The following LTF variants were observed in gnomAD, a reference collection of about 807,000 sequenced individuals.
LTF encodes the protein lactotransferrin, also known as epididymis luminal protein 110.
In LTF, 91 loss-of-function variants were observed where a neutral mutation model predicts 87.2. The observed-to-expected ratio is 1.04, with a 90% CI of 0.88 to 1.24. The LOEUF (loss-of-function observed/expected upper bound fraction) is 1.24, where lower values mean the gene tolerates loss of function less well. Ranked by LOEUF, LTF falls within the 50% of genes most tolerant of loss-of-function variation. LTF has a pLI of 0.00. For missense variants in LTF, 901 were observed against 904.3 expected (o/e 1.00, Z 0.05); for synonymous variants, 378 against 356.1 (o/e 1.06, Z -0.69).
At chr3:46,448,397 A>T (rs1702708650) in intron 9 of LTF, among the ~76,000 whole-genome samples, 1 of 152,162 alleles carries the variant, frequency 6.6e-6, no homozygotes, top group African/African-American at 2.4e-5. Context: ...GCTTTCCAAG[A>T]GTAAATATTC....
intron 2 of LTF, 80 bp from the exon 3 acceptor site, chr3:46,456,478 T>A: frequency 8.8e-7 from 1 of 1,133,802 alleles, no homozygotes; most frequent in Non-Finnish European, 1.3e-6. Context: ...CCTCAAAAAG[T>A]CTCCATGGCT....
chr3:46,444,140 C>A (rs34409943), intron 12 of LTF, among the ~76,000 whole-genome samples: 13 of 152,172 alleles, frequency 8.5e-5, no homozygotes, highest in Admixed American at 8.5e-4. Flanking sequence ...TTCTCCTTCT[C>A]TTTCTTCATC....
chr3:46,457,944 AT>A (rs11410006), intron 2 of LTF, among the ~76,000 whole-genome samples: 12,704 of 147,008 alleles, frequency 0.086, 1,596 homozygotes, highest in African/African-American at 0.28. Flanking sequence ...TGCCTGGCTA[AT>A]TTTTTTTTTT....
chr3:46,446,524 T>G, intron 10 of LTF, 31 bp from the exon 11 acceptor site: 1 of 1,598,894 alleles, frequency 6.3e-7, no homozygotes, highest in Non-Finnish European at 8.6e-7. Flanking sequence ...CAGACATCAT[T>G]ATCCATTCAG....
chr3:46,482,546 AAGGGAAGGG>A (rs1703448576), intron 1 of LTF, among the ~76,000 whole-genome samples: 1 of 101,546 alleles, frequency 9.8e-6, no homozygotes. Flanking sequence ...AAGGGAAGGG[AAGGGAAGGG>A]AAGGGAAGGG....
chr3:46,448,082 G>A (rs182841894), intron 9 of LTF, among the ~76,000 whole-genome samples: 11 of 152,186 alleles, frequency 7.2e-5, no homozygotes, highest in Admixed American at 3.3e-4. Flanking sequence ...AAATGTTTTC[G>A]TCCGAGTGCT....
intron 1 of LTF, among the ~76,000 whole-genome samples, chr3:46,472,049 G>A (rs1219787914): frequency 6.6e-6 from 1 of 152,060 alleles, no homozygotes; most frequent in Non-Finnish European, 1.5e-5. Flanking sequence ...CTCTTTCTGG[G>A]CATAAGTCTT....
chr3:46,441,576 T>C, intron 13 of LTF, 93 bp from the exon 14 acceptor site: 1 of 891,582 alleles, frequency 1.1e-6, no homozygotes, highest in Non-Finnish European at 1.8e-6. Context: ...AAAACTGAAA[T>C]ATGGAAGTAA....
Position 46,459,623 on chromosome 3 carries a change from C to T in LTF, c.207+33G>A, listed in dbSNP as rs375355633. 13 of 1,386,096 alleles carry T rather than the reference C, an allele frequency of 9.4e-6. No individual in the cohort carries two copies. In the African/African-American group the frequency reaches 1.8e-4, roughly 19 times the overall value. The allele number at this position is 1,386,096 out of a possible 1,614,324, so 85.9% of individuals were successfully genotyped here. A position where few individuals can be genotyped will look rare whatever the true frequency, so the allele number is the denominator to read the frequency against. ...CCATTTCTCTCTCCCTTCCATTCAG[C>T]TTGGTCCCAACCAACACCCGGCATT... is the stretch of plus-strand genomic sequence containing the variant. On this transcript the variant is annotated intron_variant, in intron 2 of 16. Coordinates refer to ENST00000231751, the MANE Select transcript of LTF (RefSeq NM_002343.6).
intron 16 of LTF, among the ~76,000 whole-genome samples, chr3:46,437,286 A>G (rs1255622541): frequency 6.7e-6 from 1 of 148,696 alleles, no homozygotes; most frequent in African/African-American, 2.5e-5. Flanking sequence ...TGTTTTCTCT[A>G]TAGTTGGCAT....
chr3:46,455,830 C>T lies in LTF; in HGVS notation c.465G>A (p.Leu155=). 3.1e-6 allele frequency: 5 copies of T among 1,595,268 alleles called. No homozygotes were observed. Among genetic ancestry groups the T allele is most frequent in the Middle Eastern group, 1.7e-4 (1 of 5,974 alleles). The change falls in exon 4 of 17, where the codon TTG becomes TTA. Residue 155 remains leucine, a synonymous_variant. Transcript: ENST00000231751. The part of the protein sequence containing the change: ...NVPIGTLRPF[L]NWTGPPEPIE... ...TGGGCTCAGGTGGACCCGTCCAATT[C>T]AAGAATGGACGAAGTGTCCCTATAG...
At chr3:46,464,959 G>T, upstream of LTF, 2 of 1,293,872 alleles carry the variant, frequency 1.5e-6, no homozygotes, top group Non-Finnish European at 2.2e-6. Flanking sequence ...CCGCCCTGTT[G>T]CCCAATAGAC....
chr3:46,474,966 G>A (rs1703340517), intron 1 of LTF, among the ~76,000 whole-genome samples: 1 of 152,092 alleles, frequency 6.6e-6, no homozygotes, highest in African/African-American at 2.4e-5. Context: ...GTACTCAGAG[G>A]GAAATTTGTA....
chr3:46,472,571 G>T (rs1703307991), intron 1 of LTF, among the ~76,000 whole-genome samples: 1 of 148,090 alleles, frequency 6.8e-6, no homozygotes, highest in Non-Finnish European at 1.5e-5. Context: ...TTGCTCTGTT[G>T]CCCAGGCTGG....
rs200665317 is a variant in LTF at position 46,464,820 on chromosome 3, C to T, written c.43+5G>A. ...CGGCTCGCGCCCCCAGGCACCTGCACTCACCGAGGGCCCCGAGGAACAGCA... is the reference window on the plus strand; with the variant it reads ...CGGCTCGCGCCCCCAGGCACCTGCATTCACCGAGGGCCCCGAGGAACAGCA... On this transcript the variant is annotated splice_donor_5th_base_variant and intron_variant, in intron 1 of 16. Transcript: ENST00000231751. 111 of 1,614,128 alleles carry T rather than the reference C, an allele frequency of 6.9e-5. No homozygotes were observed. In the East Asian group the frequency reaches 1.9e-3, roughly 28 times the overall value.
intron 11 of LTF, among the ~76,000 whole-genome samples, 192 bp downstream of exon 11, chr3:46,446,248 T>C (rs966718012): frequency 1.3e-5 from 2 of 152,134 alleles, no homozygotes; most frequent in Non-Finnish European, 2.9e-5. Context: ...CTTTGCCAAG[T>C]GTGAAGGTCA....
intron 9 of LTF, among the ~76,000 whole-genome samples, chr3:46,448,081 C>T (rs896155523): frequency 6.6e-6 from 1 of 152,112 alleles, no homozygotes; most frequent in Non-Finnish European, 1.5e-5. Flanking sequence ...AAAATGTTTT[C>T]GTCCGAGTGC....
At position 46,464,701 on chromosome 3, in the gene LTF, G is replaced by T. The variant is rs537326017; in HGVS notation, c.43+124C>A. 142 of 1,045,690 alleles carry T rather than the reference G, an allele frequency of 1.4e-4. 1 individual carries two copies. Among genetic ancestry groups the T allele is most frequent in the African/African-American group, 4.0e-4 (25 of 62,410 alleles). 64.8% of individuals were successfully genotyped at this position (1,045,690 alleles called of 1,614,324 possible). On this transcript the variant is annotated intron_variant, in intron 1 of 16. Coordinates refer to ENST00000231751, the MANE Select transcript of LTF (RefSeq NM_002343.6). ...TCCGGGCCGCCTCCCGGCTGTAGGC[G>T]CTGGGACCGCGGGGCGCAGAGACCC...
At chr3:46,452,375 G>T (rs1376587695) in intron 6 of LTF, among the ~76,000 whole-genome samples, 1 of 152,152 alleles carries the variant, frequency 6.6e-6, no homozygotes, top group Admixed American at 6.5e-5. Context: ...GTGATCAAAT[G>T]GGGGAGATTT....
Sources: allele counts gnomAD v4.1 joint callset (sites outside exome capture counted in the v4.1 genomes callset), GRCh38; gene constraint gnomAD v4.1.1; transcripts MANE v1.5; gene names NCBI Gene and HGNC (gene_info 2026-07-23, HGNC 2026-07-21).